SLCO3A1: variants seen among roughly 807,000 people sequenced by gnomAD.
SLCO3A1 encodes solute carrier organic anion transporter family member 3A1, also known as PGE1 transporter.
SLCO3A1 carries 27 observed loss-of-function variants against 63.1 expected under a neutral mutation model. That is an observed-to-expected ratio of 0.43 (90% CI 0.32 to 0.59). The LOEUF (loss-of-function observed/expected upper bound fraction) is 0.59, where lower values mean the gene tolerates loss of function less well. Ranked by LOEUF, SLCO3A1 falls within the 20% of genes least tolerant of loss-of-function variation. SLCO3A1 has a pLI of 0.09. For missense variants in SLCO3A1, 773 were observed against 945.8 expected, an observed-to-expected ratio of 0.82 and a Z score of 2.40; for synonymous variants, 473 against 409.9, an observed-to-expected ratio of 1.15 and a Z score of -1.86.
intron 2 of SLCO3A1, among the ~76,000 whole-genome samples, chr15:91,944,521 G>A (rs370937085): frequency 1.3e-5 from 2 of 152,230 alleles, no homozygotes; most frequent in African/African-American, 4.8e-5. Flanking sequence ...TACTTAGCAA[G>A]TGATCCGTCA....
intron 2 of SLCO3A1, among the ~76,000 whole-genome samples, chr15:92,016,208 G>GATACATAC (rs200144450): frequency 2.9e-5 from 3 of 105,136 alleles, no homozygotes; most frequent in Non-Finnish European, 5.7e-5. Context: ...TATTTATATA[G>GATACATAC]ATAGATAGAT....
chr15:92,034,948 C>A (rs2046705644), intron 2 of SLCO3A1, among the ~76,000 whole-genome samples: 1 of 151,934 alleles, frequency 6.6e-6, no homozygotes. Flanking sequence ...TTCATTCTCA[C>A]CATGGCACTG....
chr15:91,945,057 T>C (rs183649549), intron 2 of SLCO3A1, among the ~76,000 whole-genome samples: 1 of 152,302 alleles, frequency 6.6e-6, no homozygotes, highest in East Asian at 1.9e-4. Flanking sequence ...ATTTATTAAA[T>C]ATTTTTGGTT....
At chr15:92,152,691 C>G (rs909674888) in intron 9 of SLCO3A1, among the ~76,000 whole-genome samples, 1 of 152,198 alleles carries the variant, frequency 6.6e-6, no homozygotes, top group Admixed American at 6.5e-5. Flanking sequence ...TATTAACTGG[C>G]ACATTGACAC....
chr15:91,938,718 CG>C (rs1442428391), intron 2 of SLCO3A1, among the ~76,000 whole-genome samples: 5 of 152,080 alleles, frequency 3.3e-5, no homozygotes, highest in African/African-American at 1.2e-4. Flanking sequence ...TGTGGTGATG[CG>C]GGATTTGAAC....
intron 1 of SLCO3A1, among the ~76,000 whole-genome samples, chr15:91,877,244 T>C (rs559787440): frequency 6.6e-6 from 1 of 152,354 alleles, no homozygotes; most frequent in African/African-American, 2.4e-5. Context: ...GTGAACCTTC[T>C]TCAAACGATG....
chr15:92,153,561 ACAT>A (rs1486218036), intron 9 of SLCO3A1: 4 of 152,264 alleles, frequency 2.6e-5, no homozygotes, highest in Non-Finnish European at 4.4e-5. Context: ...AGATCCTGTG[ACAT>A]CATCAACTTT....
chr15:92,011,448 C>A (rs1199225811), intron 2 of SLCO3A1, among the ~76,000 whole-genome samples: 1 of 152,096 alleles, frequency 6.6e-6, no homozygotes. Flanking sequence ...CATTGTACTC[C>A]ATAAATATGT....
intron 2 of SLCO3A1, among the ~76,000 whole-genome samples, chr15:92,049,459 C>T (rs1244310706): frequency 1.3e-5 from 2 of 152,192 alleles, no homozygotes; most frequent in Non-Finnish European, 2.9e-5. Context: ...CCCTAAGCTA[C>T]CATTGCCCTG....
Position 91,883,871 on chromosome 15 carries a change from C to T in SLCO3A1, c.180+29783C>T, listed in dbSNP as rs1053077475. Among the ~76,000 whole-genome samples, 3 of 152,332 alleles carry T rather than the reference C, an allele frequency of 2.0e-5. No individual in the cohort carries two copies. On this transcript the variant is annotated intron_variant, in intron 1 of 9. Coordinates refer to ENST00000318445, the MANE Select transcript of SLCO3A1 (RefSeq NM_013272.4). The surrounding 1 kb of genome is among the most constrained non-coding windows in gnomAD (Gnocchi z 4.8). ...CACCGTGTTACATGCATTTCTTCTG[C>T]TGTCCTTTTCATCCTCACACTGAGA...
intron 2 of SLCO3A1, among the ~76,000 whole-genome samples, chr15:92,082,931 C>CTTCT (rs59345660): frequency 1.9e-3 from 286 of 152,338 alleles, no homozygotes; most frequent in African/African-American, 6.7e-3. Flanking sequence ...TCTCTCTGCG[C>CTTCT]TTCTGTATTC....
At chr15:92,146,314 CT>C (rs1362448760) in intron 7 of SLCO3A1, among the ~76,000 whole-genome samples, 2 of 152,188 alleles carry the variant, frequency 1.3e-5, no homozygotes, top group Non-Finnish European at 1.5e-5. Context: ...AATGCAGTCA[CT>C]TTTCTTTCTT....
chr15:92,098,694 C>T (rs207966), intron 3 of SLCO3A1, among the ~76,000 whole-genome samples: 43,881 of 139,506 alleles, frequency 0.31, 6,289 homozygotes, highest in South Asian at 0.37. Context: ...GTAGATCCTA[C>T]TGTTAGGTGA....
intron 2 of SLCO3A1, among the ~76,000 whole-genome samples, chr15:91,990,347 G>A (rs1030369001): frequency 1.3e-5 from 2 of 152,192 alleles, no homozygotes; most frequent in Non-Finnish European, 2.9e-5. Flanking sequence ...GTGGGTTCTA[G>A]CAAAGAACTG....
chr15:92,163,173 AGG>A lies in SLCO3A1; in HGVS notation c.*40_*41del. 1 of 1,432,376 alleles carries A rather than the reference AGG, an allele frequency of 7.0e-7. No individual in the cohort carries two copies. 88.7% of individuals were successfully genotyped at this position (1,432,376 alleles called of 1,614,324 possible). On this transcript the variant is annotated 3_prime_UTR_variant, in exon 10 of 10. Coordinates refer to ENST00000318445, the MANE Select transcript of SLCO3A1 (RefSeq NM_013272.4). The stretch of plus-strand genomic sequence containing the variant: ...GGCTGAACTCTGTATTAGTAATCCA[AGG>A]GTCATTTTTTTCTTAAAAAAAGAAA...
chr15:91,937,123 A>G (rs1899441145), intron 2 of SLCO3A1, among the ~76,000 whole-genome samples: 2 of 152,264 alleles, frequency 1.3e-5, no homozygotes, highest in Middle Eastern at 3.4e-3. Flanking sequence ...ATTTGTAGCT[A>G]AATAACCGGC....
At chr15:91,919,483 T>C (rs1477274146) in intron 2 of SLCO3A1, among the ~76,000 whole-genome samples, 2 of 152,218 alleles carry the variant, frequency 1.3e-5, no homozygotes, top group East Asian at 3.9e-4. Flanking sequence ...AGCCAGACGG[T>C]GACCCGTGGG....
At chr15:91,871,993 G>T (rs1454310013) in intron 1 of SLCO3A1, among the ~76,000 whole-genome samples, 1 of 151,936 alleles carries the variant, frequency 6.6e-6, no homozygotes, top group Non-Finnish European at 1.5e-5. Flanking sequence ...ACAAATTCTG[G>T]TTGCTCATTT....
intron 2 of SLCO3A1, among the ~76,000 whole-genome samples, chr15:91,985,947 G>C (rs1476661323): frequency 6.6e-6 from 1 of 152,168 alleles, no homozygotes; most frequent in African/African-American, 2.4e-5. Flanking sequence ...CCCTGGGTTG[G>C]GGGAAGAGGG....
Sources: allele counts gnomAD v4.1 joint callset (sites outside exome capture counted in the v4.1 genomes callset), GRCh38; gene constraint gnomAD v4.1.1; non-coding constraint Gnocchi (gnomAD v3.1); transcripts MANE v1.5; gene names NCBI Gene and HGNC (gene_info 2026-07-23, HGNC 2026-07-21).